CAST: variants seen among roughly 807,000 people sequenced by gnomAD.
The protein encoded by CAST is calpastatin, also known as MIR583 host.
A neutral mutation model predicts 119.6 loss-of-function variants in CAST; 76 were observed. The ratio of observed to expected loss-of-function variants is 0.64; its 90% CI spans 0.53 to 0.77. The LOEUF (loss-of-function observed/expected upper bound fraction) is 0.77, where lower values mean the gene tolerates loss of function less well. Ranked by LOEUF, CAST falls within the 30% of genes least tolerant of loss-of-function variation. CAST has a pLI of 0.00. For missense variants in CAST, 953 were observed against 946.5 expected (o/e 1.01, Z -0.09); for synonymous variants, 319 against 331.6 (o/e 0.96, Z 0.41).
intron 20 of CAST, among the ~76,000 whole-genome samples, chr5:96,753,166 A>T (rs1765525190): frequency 6.6e-6 from 1 of 151,834 alleles, no homozygotes; most frequent in South Asian, 2.1e-4. Context: ...GCTAATTTTT[A>T]AAAACTTTTT....
chr5:96,685,638 C>CA (rs2150277930), intron 2 of CAST, among the ~76,000 whole-genome samples: 1 of 152,018 alleles, frequency 6.6e-6, no homozygotes, highest in South Asian at 2.1e-4. Flanking sequence ...GTATTAGTAC[C>CA]AAAACAAATT....
the CAST span, among the ~76,000 whole-genome samples, chr5:96,497,398 A>G: frequency 6.6e-6 from 1 of 152,124 alleles, no homozygotes; most frequent in East Asian, 1.9e-4. Flanking sequence ...GCTGAGTCAA[A>G]TGGTATTTCT....
intron 3 of CAST, among the ~76,000 whole-genome samples, chr5:96,704,288 G>A (rs1754498689): frequency 1.3e-5 from 2 of 152,214 alleles, no homozygotes; most frequent in Non-Finnish European, 2.9e-5. Flanking sequence ...GAGAGTAGTT[G>A]ATTATATAGA....
chr5:96,688,906 A>G (rs1752390508), intron 2 of CAST, among the ~76,000 whole-genome samples: 1 of 152,146 alleles, frequency 6.6e-6, no homozygotes. Context: ...AGTGCTGTGT[A>G]TTTGAGATTT....
the CAST span, among the ~76,000 whole-genome samples, chr5:96,501,042 A>G: frequency 1.3e-5 from 2 of 152,170 alleles, no homozygotes; most frequent in South Asian, 4.1e-4. Flanking sequence ...CACCAAGTGC[A>G]AATAAAAATA....
chr5:96,609,315 C>A (rs879380805), intron 1 of CAST, among the ~76,000 whole-genome samples: 2 of 152,174 alleles, frequency 1.3e-5, no homozygotes, highest in East Asian at 3.8e-4. Context: ...AGCATCTTTG[C>A]TTTTAATGAA....
chr5:96,195,370 A>G, the CAST span, among the ~76,000 whole-genome samples: 3 of 152,142 alleles, frequency 2.0e-5, no homozygotes, highest in Non-Finnish European at 2.9e-5. Flanking sequence ...CTCAACTTAG[A>G]TCTGTAGGAA....
At chr5:96,587,416 A>G (rs1016617673) in intron 1 of CAST, among the ~76,000 whole-genome samples, 1 of 152,238 alleles carries the variant, frequency 6.6e-6, no homozygotes, top group South Asian at 2.1e-4. Context: ...CTAATGCAGG[A>G]TAGTCATGCT....
At chr5:96,052,796 T>G in the CAST span, among the ~76,000 whole-genome samples, 1 of 152,262 alleles carries the variant, frequency 6.6e-6, no homozygotes, top group Non-Finnish European at 1.5e-5. Flanking sequence ...TTAGGTCTAT[T>G]TATTACTCTC....
the CAST span, among the ~76,000 whole-genome samples, chr5:96,319,216 T>A: frequency 6.6e-6 from 1 of 152,126 alleles, no homozygotes; most frequent in Non-Finnish European, 1.5e-5. Context: ...AAATCACTCA[T>A]TACTTCAAGA....
chr5:96,102,573 C>T, the CAST span, among the ~76,000 whole-genome samples: 2 of 152,186 alleles, frequency 1.3e-5, no homozygotes, highest in Non-Finnish European at 2.9e-5. Context: ...GGAATTTTGG[C>T]TCGAAGGTGG....
the CAST span, among the ~76,000 whole-genome samples, chr5:96,413,518 A>G: frequency 0.63 from 95,842 of 152,036 alleles, 30,425 homozygotes; most frequent in Non-Finnish European, 0.66. Context: ...ATGCATTTAG[A>G]GCCAGGCGCA....
At chr5:96,038,769 C>T in the CAST span, among the ~76,000 whole-genome samples, 2 of 152,114 alleles carry the variant, frequency 1.3e-5, no homozygotes, top group African/African-American at 4.8e-5. Flanking sequence ...TCCAGTCTAT[C>T]ATTGATGGAC....
chr5:96,616,168 G>A (rs1427357157), intron 1 of CAST, among the ~76,000 whole-genome samples: 1 of 152,218 alleles, frequency 6.6e-6, no homozygotes, highest in Non-Finnish European at 1.5e-5. Flanking sequence ...CACCCTCACA[G>A]ATACACCCAG....
chr5:96,348,981 G>A, the CAST span, among the ~76,000 whole-genome samples: 1 of 152,006 alleles, frequency 6.6e-6, no homozygotes, highest in African/African-American at 2.4e-5. Flanking sequence ...TAGAGCTGGG[G>A]TTTCTGAAGA....
the CAST span, among the ~76,000 whole-genome samples, chr5:96,352,171 T>C: frequency 1.3e-5 from 2 of 152,204 alleles, no homozygotes; most frequent in African/African-American, 4.8e-5. Flanking sequence ...TTATCATGTT[T>C]ATACATGTCT....
the CAST span, among the ~76,000 whole-genome samples, chr5:96,009,709 G>A: frequency 3.3e-5 from 5 of 152,012 alleles, no homozygotes; most frequent in South Asian, 2.1e-4. Flanking sequence ...TGTTGGATGC[G>A]TAGTTTGCAA....
chr5:96,218,407 A>T, the CAST span, among the ~76,000 whole-genome samples: 1 of 152,234 alleles, frequency 6.6e-6, no homozygotes, highest in East Asian at 1.9e-4. Flanking sequence ...GCTATGGCAT[A>T]ATGAACTAAA....
the CAST span, among the ~76,000 whole-genome samples, chr5:96,113,363 T>G: frequency 2.6e-5 from 4 of 152,190 alleles, no homozygotes; most frequent in African/African-American, 9.6e-5. Context: ...CTGAATTAAG[T>G]GGGAACAACA....
Sources: allele counts gnomAD v4.1 joint callset (sites outside exome capture counted in the v4.1 genomes callset), GRCh38; gene constraint gnomAD v4.1.1; transcripts MANE v1.5; gene names NCBI Gene and HGNC (gene_info 2026-07-23, HGNC 2026-07-21).